The following WDPCP variants were observed in gnomAD, a reference collection of about 807,000 sequenced individuals.
The protein encoded by WDPCP is WD repeat containing planar cell polarity effector.
In WDPCP, 71 loss-of-function variants were observed where a neutral mutation model predicts 93.1. The observed-to-expected ratio is 0.76, with a 90% CI of 0.63 to 0.93. The LOEUF (loss-of-function observed/expected upper bound fraction) is 0.93, where lower values mean the gene tolerates loss of function less well. WDPCP is among the 40% of genes least tolerant of loss of function. The pLI is 0.00. For missense variants in WDPCP, 844 were observed against 887.4 expected (o/e 0.95, Z 0.62); for synonymous variants, 315 against 315.0 (o/e 1.00, Z 0.00).
chr2:63,391,686 C>A (rs1234994814), intron 10 of WDPCP, among the ~76,000 whole-genome samples: 1 of 152,176 alleles, frequency 6.6e-6, no homozygotes, highest in Non-Finnish European at 1.5e-5. Flanking sequence ...GCAATGTCAG[C>A]AAAGTCTCAG....
chr2:63,599,042 T>C (rs878926968), intron 3 of WDPCP: 3 of 725,766 alleles, frequency 4.1e-6, no homozygotes, highest in Admixed American at 2.9e-5. Context: ...TATGCTATAT[T>C]GTATTTGGTG....
intron 6 of WDPCP, among the ~76,000 whole-genome samples, chr2:63,460,173 C>A (rs1477330573): frequency 1.3e-5 from 2 of 152,044 alleles, no homozygotes; most frequent in African/African-American, 4.8e-5. Context: ...TGAAATCATG[C>A]ATTTTGTAGC....
At chr2:63,353,348 A>G (rs967409620) in intron 12 of WDPCP, among the ~76,000 whole-genome samples, 10 of 152,174 alleles carry the variant, frequency 6.6e-5, no homozygotes, top group African/African-American at 2.4e-4. Flanking sequence ...CCCCTAGGAA[A>G]GAGGCTGAAT....
At chr2:63,775,396 C>G (rs958923423) in intron 2 of WDPCP, among the ~76,000 whole-genome samples, 2 of 152,178 alleles carry the variant, frequency 1.3e-5, no homozygotes, top group Non-Finnish European at 2.9e-5. Context: ...CTTACTGTTG[C>G]TGTCTACAAC....
intron 17 of WDPCP, among the ~76,000 whole-genome samples, chr2:63,137,128 C>T (rs1266753623): frequency 1.3e-5 from 2 of 152,126 alleles, no homozygotes; most frequent in African/African-American, 2.4e-5. Context: ...GTTGAGGAAT[C>T]ACTGCACTCT....
intron 3 of WDPCP, chr2:63,606,874 A>G (rs750659625): frequency 6.2e-7 from 1 of 1,610,898 alleles, no homozygotes; most frequent in Non-Finnish European, 8.5e-7. Flanking sequence ...TAAGACCTGG[A>G]AGTTTGTTGA....
At chr2:63,529,351 T>C (rs1305493692) in intron 1 of WDPCP, among the ~76,000 whole-genome samples, 1 of 152,198 alleles carries the variant, frequency 6.6e-6, no homozygotes, top group Non-Finnish European at 1.5e-5. Context: ...GGCTGCGGGT[T>C]TGTTGTAAAT....
intron 15 of WDPCP, chr2:63,168,977 T>C (rs1423670415): frequency 6.6e-6 from 1 of 152,244 alleles, no homozygotes; most frequent in Non-Finnish European, 1.5e-5. Context: ...TTATGTGGCA[T>C]ATGAGATTTT....
intron 1 of WDPCP, among the ~76,000 whole-genome samples, chr2:63,527,731 G>A (rs1174688933): frequency 8.6e-5 from 13 of 151,720 alleles, no homozygotes; most frequent in Admixed American, 8.5e-4. Flanking sequence ...TTGGGTATAT[G>A]CCCAGTAATG....
intron 1 of WDPCP, among the ~76,000 whole-genome samples, chr2:63,547,883 AC>A (rs1705273460): frequency 6.6e-6 from 1 of 152,044 alleles, no homozygotes; most frequent in African/African-American, 2.4e-5. Flanking sequence ...CAGTAGAATG[AC>A]TATACTTAAC....
At chr2:63,576,239 AC>A (rs1327104247) in intron 1 of WDPCP, among the ~76,000 whole-genome samples, 8 of 150,846 alleles carry the variant, frequency 5.3e-5, no homozygotes, top group African/African-American at 1.9e-4. Context: ...ACTGTCCCCC[AC>A]CCCCCACTTC....
chr2:63,497,643 A>G (rs1356745041), intron 1 of WDPCP, among the ~76,000 whole-genome samples: 1 of 152,192 alleles, frequency 6.6e-6, no homozygotes, highest in East Asian at 1.9e-4. Context: ...TTCAAGCATT[A>G]TATGTCATGC....
At chr2:63,260,274 G>A (rs1354092686) in intron 13 of WDPCP, among the ~76,000 whole-genome samples, 3 of 152,190 alleles carry the variant, frequency 2.0e-5, no homozygotes, top group Non-Finnish European at 2.9e-5. Context: ...CACTAAAAAG[G>A]ATTTAGATCT....
At chr2:63,327,980 C>T (rs184306918) in intron 12 of WDPCP, among the ~76,000 whole-genome samples, 134 of 152,262 alleles carry the variant, frequency 8.8e-4, no homozygotes, top group African/African-American at 2.7e-3. Flanking sequence ...CGCCCCTATC[C>T]GGCAGGAAAT....
At chr2:63,517,528 T>C (rs180900308) in intron 1 of WDPCP, among the ~76,000 whole-genome samples, 1 of 152,316 alleles carries the variant, frequency 6.6e-6, no homozygotes, top group East Asian at 1.9e-4. Flanking sequence ...AGAACACTTT[T>C]TCTTATAATA....
intron 6 of WDPCP, among the ~76,000 whole-genome samples, chr2:63,455,119 T>C (rs1269571094): frequency 1.3e-5 from 2 of 151,758 alleles, no homozygotes; most frequent in African/African-American, 4.8e-5. Context: ...ATAAAAATCA[T>C]TGGTAATACA....
intron 2 of WDPCP, among the ~76,000 whole-genome samples, chr2:63,735,072 G>T (rs1669620169): frequency 6.6e-6 from 1 of 152,128 alleles, no homozygotes; most frequent in African/African-American, 2.4e-5. Flanking sequence ...CTTACTATGT[G>T]CCAGGTATCT....
chr2:63,624,690 A>G (rs1486704101), intron 3 of WDPCP, among the ~76,000 whole-genome samples: 1 of 152,232 alleles, frequency 6.6e-6, no homozygotes, highest in Non-Finnish European at 1.5e-5. Context: ...AGGAATTAAT[A>G]GCTTACCAAC....
intron 14 of WDPCP, among the ~76,000 whole-genome samples, chr2:63,199,333 T>C (rs1479654833): frequency 3.3e-5 from 5 of 152,182 alleles, no homozygotes; most frequent in African/African-American, 1.2e-4. Context: ...GGAAAATGCC[T>C]CCAAGGCATT....
Sources: allele counts gnomAD v4.1 joint callset (sites outside exome capture counted in the v4.1 genomes callset), GRCh38; gene constraint gnomAD v4.1.1; transcripts MANE v1.5; gene names NCBI Gene and HGNC (gene_info 2026-07-23, HGNC 2026-07-21).